AP2B1: variants seen among roughly 807,000 people sequenced by gnomAD.
AP2B1 encodes the protein adaptor related protein complex 2 subunit beta 1.
Under a neutral mutation model 102.0 loss-of-function variants are expected in AP2B1, and 23 were observed. The observed-to-expected ratio is 0.23, with a 90% CI of 0.16 to 0.32. The LOEUF is 0.32. Among genes scored for constraint, AP2B1 ranks in the 10% least tolerant of loss-of-function variants. The pLI is 1.00. For synonymous variants in AP2B1, 381 were observed against 421.2 expected, an observed-to-expected ratio of 0.90 and a Z score of 1.17; for missense variants, 541 against 1,157.4, an observed-to-expected ratio of 0.47 and a Z score of 7.73.
intron 20 of AP2B1, among the ~76,000 whole-genome samples, chr17:35,711,936 G>C (rs1431578735): frequency 6.6e-6 from 1 of 152,128 alleles, no homozygotes; most frequent in Non-Finnish European, 1.5e-5. Flanking sequence ...ACATTCAGGA[G>C]ACTGAAGCCC....
intron 21 of AP2B1, 43 bp from the exon 22 acceptor site, chr17:35,723,582 C>T (rs1555593936): frequency 7.1e-7 from 1 of 1,399,816 alleles, no homozygotes. Flanking sequence ...AGAGCTAATG[C>T]CAACCTCTGT....
rs9893011 is a variant in AP2B1, at chr17:35,601,002, G to A, written c.143+2667G>A. On this transcript the variant is annotated intron_variant, in intron 3 of 21. Transcript: ENST00000610402. ...GTTTGTTAGCACATAAAGCACATTT[G>A]GTTTTTAAATTGCTGTCCTGTGACC... 1,274 of 985,304 alleles carry A rather than the reference G, an allele frequency of 1.3e-3. 16 individuals carry two copies. In the African/African-American group the frequency reaches 0.02, roughly 15 times the overall value. The allele number at this position is 985,304 out of a possible 1,614,324, so 61.0% of individuals were successfully genotyped here. A position where few individuals can be genotyped will look rare whatever the true frequency, so the allele number is the denominator to read the frequency against.
chr17:35,680,015 C>T (rs192821610), intron 17 of AP2B1, among the ~76,000 whole-genome samples: 9 of 151,510 alleles, frequency 5.9e-5, no homozygotes, highest in Admixed American at 5.9e-4. Context: ...CAACCTCCGC[C>T]TCCCGGGTTC....
intron 5 of AP2B1, among the ~76,000 whole-genome samples, chr17:35,613,100 T>A (rs1223380775): frequency 1.3e-5 from 2 of 151,452 alleles, no homozygotes; most frequent in African/African-American, 4.9e-5. Context: ...GTGATTTTGT[T>A]CCACTTTTTC....
intron 18 of AP2B1, among the ~76,000 whole-genome samples, chr17:35,696,512 CCCGAGTAGCTGATTACGGGTG>C (rs1403646335): frequency 6.6e-6 from 1 of 150,466 alleles, no homozygotes; most frequent in Non-Finnish European, 1.5e-5. Flanking sequence ...GGTTCAGCCT[CCCGAGTAGCTGATTACGGGTG>C]CCCGCCACCA....
At chr17:35,671,957 C>A in intron 16 of AP2B1, 57 bp downstream of exon 16, 1 of 1,569,776 alleles carries the variant, frequency 6.4e-7, no homozygotes, top group Non-Finnish European at 8.7e-7. Context: ...CAAACTGTTT[C>A]ACTTTCAACA....
chr17:35,697,970 G>A (rs2076172574), intron 18 of AP2B1, among the ~76,000 whole-genome samples: 3 of 152,002 alleles, frequency 2.0e-5, no homozygotes, highest in South Asian at 4.1e-4. Context: ...AAAAGCTAGG[G>A]CAAAAAAGTT....
At chr17:35,614,655 TAAA>T (rs3031833) in intron 5 of AP2B1, among the ~76,000 whole-genome samples, 4 of 93,160 alleles carry the variant, frequency 4.3e-5, no homozygotes, top group African/African-American at 8.5e-5. Context: ...GTTGAATTAG[TAAA>T]AAAAAAAAAA....
At chr17:35,624,902 G>A (rs2074276450) in intron 6 of AP2B1, among the ~76,000 whole-genome samples, 1 of 152,154 alleles carries the variant, frequency 6.6e-6, no homozygotes, top group Admixed American at 6.5e-5. Context: ...TGGGGTGACA[G>A]ATTTTTCATT....
chr17:35,620,946 A>G (rs2074158919), intron 5 of AP2B1, among the ~76,000 whole-genome samples: 1 of 152,232 alleles, frequency 6.6e-6, no homozygotes, highest in African/African-American at 2.4e-5. Flanking sequence ...AGTGTTACAC[A>G]TAGTTGTGTT....
At chr17:35,665,522 ACT>A (rs780635529) in intron 14 of AP2B1, among the ~76,000 whole-genome samples, 1 of 152,126 alleles carries the variant, frequency 6.6e-6, no homozygotes, top group African/African-American at 2.4e-5. Flanking sequence ...TAAAATTTAA[ACT>A]CTGTTAGAAA....
At position 35,639,515 on chromosome 17, in the gene AP2B1, G is replaced by A. The variant is rs564257279; in HGVS notation, c.1272-80G>A. On this transcript the variant is annotated intron_variant, in intron 10 of 21. Coordinates refer to ENST00000610402, the MANE Select transcript of AP2B1 (RefSeq NM_001030006.2). ...TGGTTTGGTTTAGGGTCCCTTGTTT[G>A]TGGTTTTGCCTTTAGCCTTCACTGT... 8.3e-6 allele frequency: 11 copies of A among 1,329,964 alleles called. No homozygotes were observed. In the African/African-American group the frequency reaches 1.5e-4, roughly 18 times the overall value. The allele number at this position is 1,329,964 out of a possible 1,614,324, so 82.4% of individuals were successfully genotyped here.
intron 14 of AP2B1, among the ~76,000 whole-genome samples, chr17:35,669,289 G>A (rs563204127): frequency 2.0e-4 from 30 of 151,932 alleles, no homozygotes; most frequent in African/African-American, 4.8e-4. Context: ...GATTACAGGC[G>A]CCTGCCACCA....
chr17:35,661,567 A>G (rs60179484), intron 14 of AP2B1, among the ~76,000 whole-genome samples: 2,606 of 152,268 alleles, frequency 0.017, 75 homozygotes, highest in African/African-American at 0.06. Flanking sequence ...GAGGTTATCC[A>G]TCGTGTCAGA....
At chr17:35,711,788 T>G (rs1419576809) in intron 20 of AP2B1, among the ~76,000 whole-genome samples, 1 of 152,012 alleles carries the variant, frequency 6.6e-6, no homozygotes, top group African/African-American at 2.4e-5. Context: ...TTAATTTTAG[T>G]TTTTTATGGC....
chr17:35,639,847 C>A, intron 11 of AP2B1, 87 bp downstream of exon 11: 1 of 1,190,190 alleles, frequency 8.4e-7, no homozygotes, highest in South Asian at 1.5e-5. Flanking sequence ...GCAGTTTCTT[C>A]TGTGTCTGTA....
At chr17:35,647,022 A>G (rs2074952547) in intron 12 of AP2B1, among the ~76,000 whole-genome samples, 2 of 152,230 alleles carry the variant, frequency 1.3e-5, no homozygotes, top group African/African-American at 4.8e-5. Context: ...ACTATGTATT[A>G]TAAAGTTGAA....
intron 10 of AP2B1, 130 bp downstream of exon 10, chr17:35,636,586 G>T: frequency 1.8e-6 from 1 of 554,328 alleles, no homozygotes; most frequent in Non-Finnish European, 2.8e-6. Context: ...ATCAAAAATC[G>T]GAAACATTAA....
chr17:35,661,630 G>T (rs1332242762), intron 14 of AP2B1, among the ~76,000 whole-genome samples: 1 of 152,140 alleles, frequency 6.6e-6, no homozygotes, highest in East Asian at 1.9e-4. Flanking sequence ...TCAGTCCCAG[G>T]GTCCTTTTTA....
Sources: allele counts gnomAD v4.1 joint callset (sites outside exome capture counted in the v4.1 genomes callset), GRCh38; gene constraint gnomAD v4.1.1; transcripts MANE v1.5; gene names NCBI Gene and HGNC (gene_info 2026-07-23, HGNC 2026-07-21).